CDH13: variants seen among roughly 807,000 people sequenced by gnomAD.
The protein encoded by CDH13 is cadherin-13.
Under a neutral mutation model 63.8 loss-of-function variants are expected in CDH13, and 24 were observed. That is an observed-to-expected ratio of 0.38 (90% CI 0.27 to 0.53). CDH13 has a LOEUF of 0.53. Ranked by LOEUF, CDH13 falls within the 20% of genes least tolerant of loss-of-function variation. The pLI, the probability that CDH13 is intolerant of heterozygous loss-of-function variation, is 0.85. For missense variants in CDH13, 1,049 were observed against 903.1 expected, an observed-to-expected ratio of 1.16 and a Z score of -2.07; for synonymous variants, 503 against 355.3, an observed-to-expected ratio of 1.42 and a Z score of -4.67.
chr16:83,372,006 G>C (rs980629998), intron 6 of CDH13, among the ~76,000 whole-genome samples: 1 of 152,188 alleles, frequency 6.6e-6, no homozygotes, highest in East Asian at 1.9e-4. Flanking sequence ...CCAATATGTA[G>C]GTTATTCAGT....
intron 3 of CDH13, among the ~76,000 whole-genome samples, chr16:83,088,502 G>A (rs111873862): frequency 1.3e-5 from 2 of 152,132 alleles, no homozygotes; most frequent in Non-Finnish European, 2.9e-5. Flanking sequence ...GCTGCTCTAG[G>A]ATCAGTAGCC....
chr16:82,853,295 C>T (rs1334306855), intron 1 of CDH13, among the ~76,000 whole-genome samples: 1 of 152,158 alleles, frequency 6.6e-6, no homozygotes, highest in Non-Finnish European at 1.5e-5. Context: ...ACAGTCTATT[C>T]ACTGAACAGT....
chr16:83,555,016 G>C (rs1035657031), intron 7 of CDH13, among the ~76,000 whole-genome samples: 2 of 151,460 alleles, frequency 1.3e-5, no homozygotes, highest in Admixed American at 1.3e-4. Flanking sequence ...AGAACCCTGC[G>C]GGGCCAGAGG....
At chr16:82,874,602 T>G (rs2040444542) in intron 2 of CDH13, among the ~76,000 whole-genome samples, 1 of 152,210 alleles carries the variant, frequency 6.6e-6, no homozygotes, top group African/African-American at 2.4e-5. Context: ...TGGTTTTAAA[T>G]TTTCATATGT....
rs547104330 is a variant in CDH13 at position 82,960,811 on chromosome 16, T to C, written c.158-71199T>C. On this transcript the variant is annotated intron_variant, in intron 2 of 13. Transcript: ENST00000567109. ...GTCTGTAGCAAGGTCGTAATTTTTT[T>C]TAATCTTTAAAAAAAATTATTGTTA... is the stretch of plus-strand genomic sequence containing the variant. Among the ~76,000 whole-genome samples, 8 of 152,298 alleles carry C rather than the reference T, an allele frequency of 5.3e-5. No individual in the cohort carries two copies. In the East Asian group the frequency reaches 1.5e-3, roughly 29 times the overall value.
chr16:82,705,464 C>T (rs2031414984), intron 1 of CDH13, among the ~76,000 whole-genome samples: 1 of 152,194 alleles, frequency 6.6e-6, no homozygotes, highest in Non-Finnish European at 1.5e-5. Context: ...CGGCTTCCTG[C>T]ATCCGTCCCC....
chr16:82,880,166 T>G (rs1451935321), intron 2 of CDH13, among the ~76,000 whole-genome samples: 1 of 152,046 alleles, frequency 6.6e-6, no homozygotes, highest in Non-Finnish European at 1.5e-5. Context: ...TATTTCAGTC[T>G]CTTTGTATCG....
At chr16:83,765,454 T>C (rs1011812095) in intron 11 of CDH13, among the ~76,000 whole-genome samples, 2 of 152,226 alleles carry the variant, frequency 1.3e-5, no homozygotes, top group African/African-American at 4.8e-5. Context: ...CTACATCAAG[T>C]ATAGTATACA....
At chr16:82,867,467 C>T (rs889325453) in intron 2 of CDH13, among the ~76,000 whole-genome samples, 1 of 152,096 alleles carries the variant, frequency 6.6e-6, no homozygotes, top group Admixed American at 6.5e-5. Flanking sequence ...GACCCAGGGC[C>T]AGATTGTCCA....
chr16:83,103,950 G>A (rs575903720), intron 3 of CDH13, among the ~76,000 whole-genome samples: 1 of 152,278 alleles, frequency 6.6e-6, no homozygotes, highest in African/African-American at 2.4e-5. Context: ...TTCCTGTGGG[G>A]CAAGTTCACA....
chr16:83,092,561 A>G (rs1037931036), intron 3 of CDH13, among the ~76,000 whole-genome samples: 2 of 152,192 alleles, frequency 1.3e-5, no homozygotes, highest in Non-Finnish European at 2.9e-5. Flanking sequence ...GCTTTAAAGA[A>G]GCTTCATCTG....
intron 8 of CDH13, among the ~76,000 whole-genome samples, chr16:83,612,841 T>C (rs1001619076): frequency 1.3e-5 from 2 of 152,192 alleles, no homozygotes; most frequent in South Asian, 2.1e-4. Flanking sequence ...ATTGTTGTTA[T>C]GTTTTAATTC....
At chr16:83,693,729 G>C (rs986025568) in intron 10 of CDH13, among the ~76,000 whole-genome samples, 1 of 152,186 alleles carries the variant, frequency 6.6e-6, no homozygotes, top group Admixed American at 6.5e-5. Flanking sequence ...GTGGAGGTAG[G>C]CTTGATTTTG....
intron 1 of CDH13, among the ~76,000 whole-genome samples, chr16:82,793,102 T>A (rs111855338): frequency 2.0e-5 from 3 of 152,308 alleles, no homozygotes; most frequent in African/African-American, 7.2e-5. Context: ...ACTAAGGCAT[T>A]TCAGGGGCGA....
At chr16:83,204,760 CT>C (rs1229937666) in intron 4 of CDH13, among the ~76,000 whole-genome samples, 1 of 152,180 alleles carries the variant, frequency 6.6e-6, no homozygotes, top group Admixed American at 6.5e-5. Flanking sequence ...GCTCCATGCC[CT>C]CAGAAGGTTA....
intron 5 of CDH13, among the ~76,000 whole-genome samples, chr16:83,261,854 G>T (rs1158074129): frequency 6.6e-6 from 1 of 152,106 alleles, no homozygotes; most frequent in Non-Finnish European, 1.5e-5. Context: ...GTGCCTGCCT[G>T]CCAAGGAACA....
chr16:82,856,019 AAC>A (rs1335967122), intron 1 of CDH13, among the ~76,000 whole-genome samples: 2 of 152,128 alleles, frequency 1.3e-5, no homozygotes, highest in East Asian at 1.9e-4. Flanking sequence ...TTTTCTAAGA[AAC>A]ACACAGAGTC....
At chr16:82,636,313 A>G (rs1353846860) in intron 1 of CDH13, among the ~76,000 whole-genome samples, 1 of 151,980 alleles carries the variant, frequency 6.6e-6, no homozygotes, top group Non-Finnish European at 1.5e-5. Context: ...TTCAGGCTGC[A>G]GAACGTTCCT....
chr16:82,785,543 G>A (rs952454236), intron 1 of CDH13, among the ~76,000 whole-genome samples: 6 of 152,160 alleles, frequency 3.9e-5, no homozygotes, highest in Non-Finnish European at 7.3e-5. Flanking sequence ...ATCACTCCAA[G>A]TAAATGACTA....
Sources: gnomAD v4.1 joint callset for allele counts (sites outside exome capture counted in the v4.1 genomes callset) on GRCh38, gnomAD v4.1.1 for gene constraint, MANE v1.5 for transcripts, NCBI Gene and HGNC (gene_info 2026-07-23, HGNC 2026-07-21) for gene names.